FANCD2: variants seen among roughly 807,000 people sequenced by gnomAD.
FANCD2 encodes the protein Fanconi anemia group D2 protein.
A neutral mutation model predicts 192.3 loss-of-function variants in FANCD2; 131 were observed. That is an observed-to-expected ratio of 0.68 (90% confidence interval 0.59 to 0.79). FANCD2 has a LOEUF of 0.79. Ranked by LOEUF, FANCD2 falls within the 30% of genes least tolerant of loss-of-function variation. The pLI is 0.00. For synonymous variants in FANCD2, 524 were observed against 612.5 expected (o/e 0.86, Z 2.13); for missense variants, 1,508 against 1,701.6 (o/e 0.89, Z 2.00).
At chr3:10,027,940 G>A (rs2086495980) in intron 1 of FANCD2, among the ~76,000 whole-genome samples, 1 of 149,884 alleles carries the variant, frequency 6.7e-6, no homozygotes, top group Non-Finnish European at 1.5e-5. Context: ...TCTTTAGGCC[G>A]GGCGGCTCAC....
chr3:10,029,774 A>G (rs1221053830), intron 2 of FANCD2, among the ~76,000 whole-genome samples: 1 of 151,918 alleles, frequency 6.6e-6, no homozygotes, highest in East Asian at 1.9e-4. Context: ...CCATTATATC[A>G]TTCTTGTTGT....
At chr3:10,035,387 G>T (rs570726877) in intron 6 of FANCD2, among the ~76,000 whole-genome samples, 154 bp downstream of exon 6, 2 of 152,244 alleles carry the variant, frequency 1.3e-5, no homozygotes, top group African/African-American at 4.8e-5. Flanking sequence ...GATGGGTTTG[G>T]TAGGGTAATG....
intron 26 of FANCD2, among the ~76,000 whole-genome samples, chr3:10,069,048 C>CA (rs1418285814): frequency 3.9e-5 from 6 of 152,018 alleles, no homozygotes; most frequent in Non-Finnish European, 5.9e-5. Context: ...ACAACAACAA[C>CA]AAAAAACATT....
chr3:10,033,087 T>G, intron 3 of FANCD2, 115 bp downstream of exon 3: 1 of 939,660 alleles, frequency 1.1e-6, no homozygotes, highest in Non-Finnish European at 1.7e-6. Flanking sequence ...CCATCCATCT[T>G]GAGACAAAGT....
At chr3:10,063,751 T>C (rs1276907415) in intron 20 of FANCD2, 41 bp from the exon 21 acceptor site, 1 of 1,613,384 alleles carries the variant, frequency 6.2e-7, no homozygotes, top group East Asian at 2.2e-5. Context: ...TGGGAAAGAT[T>C]GGCAGCCCAA....
rs771466741 is a variant in FANCD2 at position 10,087,143 on chromosome 3, C to G, written c.3345C>G (p.Val1115=). Residue 1115 remains valine (V), a synonymous_variant, in exon 34 of 44, where the codon GTC becomes GTG. Transcript: ENST00000675286. ...QPLEELLSQS[V]HYLQNFHQSI... ...TCTTGTCTCCTTACAGCCAGAGCGT[C>G]CATTACTTGCAGAATTTCCATCAAA... 1 of 1,614,090 alleles carries G rather than the reference C, an allele frequency of 6.2e-7. No homozygotes were observed. Among genetic ancestry groups the G allele is most frequent in the Non-Finnish European group, 8.5e-7 (1 of 1,180,016 alleles).
At chr3:10,067,346 C>G in intron 26 of FANCD2, 29 bp downstream of exon 26, 1 of 1,313,452 alleles carries the variant, frequency 7.6e-7, no homozygotes, top group Non-Finnish European at 1.1e-6. Context: ...ACTGGTAGTA[C>G]TACTAGGCCA....
intron 29 of FANCD2, among the ~76,000 whole-genome samples, chr3:10,076,395 T>G (rs1559396677): frequency 1.3e-5 from 2 of 152,108 alleles, no homozygotes; most frequent in Admixed American, 6.5e-5. Flanking sequence ...ACAGAGGAAT[T>G]TATAGAGAAA....
Position 10,073,352 on chromosome 3 carries a change from A to G in FANCD2, c.2705A>G (p.Gln902Arg), listed in dbSNP as rs766865689. The change falls in exon 28 of 44, where the codon CAG (glutamine) becomes CGG (arginine). Residue 902 changes from glutamine (Q) to arginine (R), a missense_variant. Coordinates refer to ENST00000675286, the MANE Select transcript of FANCD2 (RefSeq NM_001018115.3). The part of the protein sequence containing the change: ...ECDPTPSHRG[Q>R]LNKEFTGKEE... Reference sequence around the variant, plus strand: ...GACCCTACGCCATCTCATAGAGGCCAGCTAAACAAGGTATTGGAATGATGG... The same window carrying G: ...GACCCTACGCCATCTCATAGAGGCCGGCTAAACAAGGTATTGGAATGATGG... 2.5e-6 allele frequency: 4 copies of G among 1,609,912 alleles called. No homozygotes were observed. The highest frequency in any genetic ancestry group is 3.4e-6 in the Non-Finnish European group (4 of 1,176,162).
At chr3:10,057,349 TTTTCTTTTTCTTTCTTTC>T (rs1170183195) in intron 18 of FANCD2, among the ~76,000 whole-genome samples, 3 of 151,828 alleles carry the variant, frequency 2.0e-5, no homozygotes, top group Non-Finnish European at 4.4e-5. Context: ...ATCTATTTCT[TTTTCTTTTTCTTTCTTTC>T]TTTCTTTTTT....
At position 10,074,551 on chromosome 3, in the gene FANCD2, A is replaced by C; in HGVS notation, c.2737A>C (p.Lys913Gln). The change falls in exon 29 of 44, where the codon AAG becomes CAG. Residue 913 changes from lysine (K) to glutamine (Q), a missense_variant. Coordinates refer to ENST00000675286, the MANE Select transcript of FANCD2 (RefSeq NM_001018115.3). The part of the protein sequence containing the change: ...LNKEFTGKEE[K>Q]TSLLLHNSHA... ...ATAGGAGTTCACAGGGAAGGAAGAA[A>C]AGACATCATTGTTACTACATAATTC... 1 of 1,613,796 alleles carries C rather than the reference A, an allele frequency of 6.2e-7. No homozygotes were observed.
chr3:10,055,654 T>C (rs2087387164), intron 18 of FANCD2, among the ~76,000 whole-genome samples: 3 of 151,666 alleles, frequency 2.0e-5, no homozygotes, highest in African/African-American at 7.3e-5. Flanking sequence ...TTACTAAAAA[T>C]ACAAAAAATT....
intron 29 of FANCD2, among the ~76,000 whole-genome samples, chr3:10,075,823 C>T (rs376759279): frequency 1.8e-4 from 27 of 150,698 alleles, no homozygotes; most frequent in East Asian, 1.6e-3. Context: ...CTCCGCCTCC[C>T]GGGTTCACAC....
intron 26 of FANCD2, among the ~76,000 whole-genome samples, chr3:10,067,630 T>C (rs1293881295): frequency 6.6e-6 from 1 of 152,176 alleles, no homozygotes; most frequent in African/African-American, 2.4e-5. Context: ...AAACCCTGTT[T>C]GTACTAAACA....
At chr3:10,047,495 CTCT>C (rs2087056481) in intron 15 of FANCD2, among the ~76,000 whole-genome samples, 1 of 152,290 alleles carries the variant, frequency 6.6e-6, no homozygotes, top group African/African-American at 2.4e-5. Context: ...ATGATCACTT[CTCT>C]TCTTGATCTT....
chr3:10,076,999 C>T (rs1193688470), intron 29 of FANCD2, among the ~76,000 whole-genome samples: 1 of 152,060 alleles, frequency 6.6e-6, no homozygotes, highest in Non-Finnish European at 1.5e-5. Context: ...GATCTGCCTG[C>T]CTTGACCTCC....
chr3:10,093,267 T>C lies in FANCD2; in HGVS notation c.3850-18T>C. 6.2e-7 allele frequency: 1 copy of C among 1,611,724 alleles called. No homozygotes were observed. The highest frequency in any genetic ancestry group is 2.2e-5 in the East Asian group (1 of 44,870). On this transcript the variant is annotated intron_variant, in intron 38 of 43. Coordinates refer to ENST00000675286, the MANE Select transcript of FANCD2 (RefSeq NM_001018115.3). ...GGAGCAGATCTCAGCCTTGGTTTCT[T>C]GTCTTTCACCTCTCCAGGTATTTGA...
chr3:10,049,189 A>C (rs1052121843), intron 16 of FANCD2, among the ~76,000 whole-genome samples, 185 bp from the exon 17 acceptor site: 1 of 150,746 alleles, frequency 6.6e-6, no homozygotes, highest in African/African-American at 2.5e-5. Flanking sequence ...GGGATGGTCA[A>C]GTTACACTGG....
chr3:10,099,897 T>A (rs575593263), intron 43 of FANCD2, among the ~76,000 whole-genome samples: 6 of 152,078 alleles, frequency 3.9e-5, no homozygotes, highest in African/African-American at 1.4e-4. Flanking sequence ...AGAAAGATCA[T>A]TTAGTATGAA....
Sources: gnomAD v4.1 joint callset for allele counts (sites outside exome capture counted in the v4.1 genomes callset) on GRCh38, gnomAD v4.1.1 for gene constraint, MANE v1.5 for transcripts, NCBI Gene and HGNC (gene_info 2026-07-23, HGNC 2026-07-21) for gene names.